Variants in SSR1 observed in about 807,000 individuals in gnomAD.
The protein encoded by SSR1 is signal sequence receptor subunit 1, also known as translocon-associated protein subunit alpha.
SSR1 carries 13 observed loss-of-function variants against 36.1 expected under a neutral mutation model. The observed-to-expected ratio is 0.36, with a 90% confidence interval of 0.23 to 0.57. SSR1 has a LOEUF of 0.57. Ranked by LOEUF, SSR1 falls within the 20% of genes least tolerant of loss-of-function variation. The pLI is 0.81. For synonymous variants in SSR1, 113 were observed against 118.9 expected, an observed-to-expected ratio of 0.95 and a Z score of 0.32; for missense variants, 291 against 338.5, an observed-to-expected ratio of 0.86 and a Z score of 1.10.
At chr6:7,306,820 G>A (rs1320597877) in intron 2 of SSR1, among the ~76,000 whole-genome samples, 1 of 151,694 alleles carries the variant, frequency 6.6e-6, no homozygotes, top group Non-Finnish European at 1.5e-5. Context: ...GGAGACTGAG[G>A]CAGGAGACTG....
At chr6:7,300,351 T>G (rs577929882) in intron 4 of SSR1, among the ~76,000 whole-genome samples, 17 of 152,354 alleles carry the variant, frequency 1.1e-4, no homozygotes, top group African/African-American at 4.1e-4. Flanking sequence ...TTAGAGGACC[T>G]ATTTCTACTA....
chr6:7,307,399 T>C (rs890395703), intron 2 of SSR1, among the ~76,000 whole-genome samples: 2 of 152,182 alleles, frequency 1.3e-5, no homozygotes, highest in African/African-American at 2.4e-5. Context: ...TTGGCCAGGG[T>C]AGAAAGTGGA....
chr6:7,312,397 TTCA>T (rs1420045109), intron 1 of SSR1, among the ~76,000 whole-genome samples: 1 of 152,148 alleles, frequency 6.6e-6, no homozygotes, highest in African/African-American at 2.4e-5. Flanking sequence ...ACAGGGATTC[TTCA>T]GTCTGCTTGG....
At chr6:7,293,316 C>A (rs1348119315) in intron 7 of SSR1, among the ~76,000 whole-genome samples, 1 of 152,044 alleles carries the variant, frequency 6.6e-6, no homozygotes, top group African/African-American at 2.4e-5. Context: ...TATACGATAA[C>A]CCATGTGTAG....
At chr6:7,312,723 G>C (rs183608857) in intron 1 of SSR1, among the ~76,000 whole-genome samples, 112 of 152,350 alleles carry the variant, frequency 7.4e-4, no homozygotes, top group African/African-American at 2.5e-3. Flanking sequence ...TCCTGCAGCC[G>C]AGGACCCTCC....
At chr6:7,312,251 T>C (rs1365864392) in intron 1 of SSR1, among the ~76,000 whole-genome samples, 1 of 152,256 alleles carries the variant, frequency 6.6e-6, no homozygotes, top group African/African-American at 2.4e-5. Flanking sequence ...CTGGGTTAAT[T>C]GTTGAAAGAA....
intron 3 of SSR1, among the ~76,000 whole-genome samples, chr6:7,301,943 A>T (rs1339035539): frequency 6.6e-6 from 1 of 152,170 alleles, no homozygotes; most frequent in Non-Finnish European, 1.5e-5. Context: ...CTGTGCAGGT[A>T]AATAGAAGAA....
chr6:7,302,112 G>A (rs1255211828), intron 3 of SSR1, among the ~76,000 whole-genome samples: 1 of 152,170 alleles, frequency 6.6e-6, no homozygotes, highest in Non-Finnish European at 1.5e-5. Context: ...AAGAAAAAAA[G>A]CATAATAAAA....
intron 6 of SSR1, among the ~76,000 whole-genome samples, chr6:7,296,042 C>T (rs991977737): frequency 6.6e-6 from 1 of 152,156 alleles, no homozygotes; most frequent in Non-Finnish European, 1.5e-5. Flanking sequence ...GTTTCTGCAT[C>T]GTAAGCTAAA....
At chr6:7,312,187 G>T (rs968168193) in intron 1 of SSR1, among the ~76,000 whole-genome samples, 1 of 152,214 alleles carries the variant, frequency 6.6e-6, no homozygotes, top group African/African-American at 2.4e-5. Flanking sequence ...ACCTGTGCAG[G>T]AAGTCAAGTT....
chr6:7,298,604 T>A, intron 5 of SSR1, 143 bp downstream of exon 5: 1 of 602,594 alleles, frequency 1.7e-6, no homozygotes, highest in Non-Finnish European at 2.9e-6. Context: ...TCATCTGAAG[T>A]ATGAATGAAT....
rs533329889 is a variant in SSR1, at chr6:7,292,705, C to T, written c.793+2687G>A. ...CCAGCTTACCATAATTTTTAAAACA[C>T]AATTGTAATTCCTCTCCTTTAAAGT... On this transcript the variant is annotated intron_variant, in intron 7 of 7. Transcript: ENST00000244763. Among the ~76,000 whole-genome samples, 13 of 149,598 alleles carry T rather than the reference C, an allele frequency of 8.7e-5. No individual in the cohort carries two copies. In the East Asian group the frequency reaches 2.6e-3, roughly 30 times the overall value.
chr6:7,296,912 G>A (rs912442291), intron 6 of SSR1: 1 of 153,830 alleles, frequency 6.5e-6, no homozygotes, highest in Non-Finnish European at 1.5e-5. Context: ...ATTAAGGATT[G>A]TTTCTATAAT....
chr6:7,298,017 A>G lies in SSR1; in HGVS notation c.621-16T>C. Reference sequence around the variant, plus strand: ...CATAAAGATTCTGGTACAAAAGGAGAAAATATGAACTGTCTTTAATTCAGA... The same window carrying G: ...CATAAAGATTCTGGTACAAAAGGAGGAAATATGAACTGTCTTTAATTCAGA... On this transcript the variant is annotated splice_polypyrimidine_tract_variant and intron_variant, in intron 5 of 7. Coordinates refer to ENST00000244763, the MANE Select transcript of SSR1 (RefSeq NM_003144.5). The G allele has an allele frequency of 6.3e-7, 1 of 1,593,776 alleles. No individual in the cohort carries two copies. Among genetic ancestry groups the G allele is most frequent in the Non-Finnish European group, 8.6e-7 (1 of 1,162,466 alleles).
intron 3 of SSR1, among the ~76,000 whole-genome samples, chr6:7,301,847 G>A (rs1757942063): frequency 6.6e-6 from 1 of 151,894 alleles, no homozygotes; most frequent in South Asian, 2.1e-4. Flanking sequence ...TGGTAAAAAA[G>A]AGTTGCGTAT....
In SSR1 at chr6:7,309,968, A is replaced by C. The variant is rs756498790; in HGVS notation, c.141T>G (p.Ile47Met). 2.9e-5 allele frequency: 46 copies of C among 1,613,822 alleles called. No individual in the cohort carries two copies. Among genetic ancestry groups the C allele is most frequent in the Non-Finnish European group, 3.8e-5 (45 of 1,179,986 alleles). The change falls in exon 2 of 8, where the codon ATT (isoleucine) becomes ATG (methionine). Residue 47 changes from isoleucine to methionine, a missense_variant. Transcript: ENST00000244763. ...CCTCGGCTTCATCATCTTCATCCTC[A>C]ATTATGGAATCTTCTACTGTTTCTT... Reference protein sequence around the residue: ...EDEETVEDSIIEDEDDEAEVE... With the variant: ...EDEETVEDSIMEDEDDEAEVE...
chr6:7,289,342 C>G lies in SSR1; in HGVS notation c.*522G>C, dbSNP rs1306686879. ...CTGAAACAATTCTATTGCTAAAAAGCAGCTACTTCTGCTTCTGCCTTTAGA... is the reference window on the plus strand; with the variant it reads ...CTGAAACAATTCTATTGCTAAAAAGGAGCTACTTCTGCTTCTGCCTTTAGA... On this transcript the variant is annotated 3_prime_UTR_variant, in exon 8 of 8. Transcript: ENST00000244763. 1 of 152,522 alleles carries G rather than the reference C, an allele frequency of 6.6e-6. No individual in the cohort carries two copies. The highest frequency in any genetic ancestry group is 1.5e-5 in the Non-Finnish European group (1 of 68,192). The allele number at this position is 152,522 out of a possible 1,614,324, so 9.4% of individuals were successfully genotyped here.
In SSR1 at chr6:7,313,165, G is replaced by T. The variant is rs114818913; in HGVS notation, c.-45C>A. The T allele has an allele frequency of 0.014, 20,959 of 1,536,448 alleles. 277 individuals are homozygous for T. The highest frequency in any genetic ancestry group is 0.058 in the East Asian group (2,341 of 40,500). On this transcript the variant is annotated 5_prime_UTR_variant, in exon 1 of 8. Transcript: ENST00000244763. ...CCAGTTTCCGTCGGCTAAGGCTCTC[G>T]GCGGCTCCGGCGGTAATGGCGTTAC... is the stretch of plus-strand genomic sequence containing the variant.
Position 7,303,648 on chromosome 6 carries a change from G to C in SSR1, c.193-11C>G, listed in dbSNP as rs375519359. ...CTCTTTATCTTCTACCTAAGAAAAA[G>C]AACAATTAAGAGGAGATTACTATGG... On this transcript the variant is annotated splice_polypyrimidine_tract_variant and intron_variant, in intron 2 of 7. Transcript: ENST00000244763. 1.9e-6 allele frequency: 3 copies of C among 1,586,930 alleles called. No homozygotes were observed. The highest frequency in any genetic ancestry group is 2.6e-6 in the Non-Finnish European group (3 of 1,160,702).
Sources: allele counts gnomAD v4.1 joint callset (sites outside exome capture counted in the v4.1 genomes callset), GRCh38; gene constraint gnomAD v4.1.1; transcripts MANE v1.5; gene names NCBI Gene and HGNC (gene_info 2026-07-23, HGNC 2026-07-21).